The following FTO variants were observed in gnomAD, a reference collection of about 807,000 sequenced individuals.
FTO encodes the protein alpha-ketoglutarate-dependent dioxygenase FTO.
A neutral mutation model predicts 63.9 loss-of-function variants in FTO; 47 were observed. The ratio of observed to expected loss-of-function variants is 0.74; its 90% CI spans 0.58 to 0.94. The LOEUF (loss-of-function observed/expected upper bound fraction) is 0.94, where lower values mean the gene tolerates loss of function less well. Among genes scored for constraint, FTO ranks in the 40% least tolerant of loss-of-function variants. The probability of loss-of-function intolerance (pLI) is 0.00; values close to 1 mark genes in which losing one functional copy is unlikely to be tolerated. For synonymous variants in FTO, 207 were observed against 224.4 expected (o/e 0.92, Z 0.69); for missense variants, 562 against 618.1 (o/e 0.91, Z 0.96).
At chr16:53,789,155 A>T (rs1381101606) in intron 1 of FTO, among the ~76,000 whole-genome samples, 2 of 152,202 alleles carry the variant, frequency 1.3e-5, no homozygotes, top group African/African-American at 2.4e-5. Flanking sequence ...TGAGAGAGAT[A>T]CCCTGGAAAT....
chr16:53,844,244 G>C lies in FTO; in HGVS notation c.841G>C (p.Glu281Gln), dbSNP rs2079555418. ...TGGTTTTAAGATCTCATGGGACATA[G>C]AGACACCTGGTTTGGCGATACCCCT... is the stretch of plus-strand genomic sequence containing the variant. Reference protein sequence around the residue: ...HVGFKISWDIETPGLAIPLHQ... With the variant: ...HVGFKISWDIQTPGLAIPLHQ... The change falls in exon 4 of 9, where the codon GAG becomes CAG. Residue 281 changes from glutamate (E) to glutamine (Q), a missense_variant. Glu to Gln is a conservative substitution (Grantham distance 29). Transcript: ENST00000471389. The C allele has an allele frequency of 2.5e-6, 4 of 1,613,536 alleles. No homozygotes were observed. The highest frequency in any genetic ancestry group is 3.4e-6 in the Non-Finnish European group (4 of 1,179,548).
chr16:54,111,974 G>T lies in FTO; in HGVS notation c.*59G>T. ...AGATCGGCTTTTCTCCTCCAACGTT[G>T]TCATGGGCTTAAGCAAGAGCAGTGG... On this transcript the variant is annotated 3_prime_UTR_variant, in exon 9 of 9. Coordinates refer to ENST00000471389, the MANE Select transcript of FTO (RefSeq NM_001080432.3). The T allele has an allele frequency of 6.3e-7, 1 of 1,597,490 alleles. No individual in the cohort carries two copies. Among genetic ancestry groups the T allele is most frequent in the Non-Finnish European group, 8.6e-7 (1 of 1,166,176 alleles).
intron 8 of FTO, among the ~76,000 whole-genome samples, chr16:53,995,823 A>C (rs2083922470): frequency 6.6e-6 from 1 of 152,294 alleles, no homozygotes; most frequent in South Asian, 2.1e-4. Flanking sequence ...CCAGTCATCG[A>C]ATTCCTGTTC....
Position 54,120,648 on chromosome 16 carries a change from G to A in FTO, c.*8733G>A, listed in dbSNP as rs2086998966. On this transcript the variant is annotated 3_prime_UTR_variant, in exon 9 of 9. Transcript: ENST00000471389. ...TATAGAAACTGGATTTCAAGTTTCT[G>A]ATAAGTATTGAATTTGGGAAGGCTG... 1 of 152,140 alleles carries A rather than the reference G, an allele frequency of 6.6e-6. No individual in the cohort carries two copies. Among genetic ancestry groups the A allele is most frequent in the South Asian group, 2.1e-4 (1 of 4,828 alleles). The allele number at this position is 152,140 out of a possible 1,614,324, so 9.4% of individuals were successfully genotyped here.
At chr16:53,783,416 G>C (rs939537230) in intron 1 of FTO, among the ~76,000 whole-genome samples, 1 of 151,848 alleles carries the variant, frequency 6.6e-6, no homozygotes, top group Non-Finnish European at 1.5e-5. Context: ...GGCCATCCTG[G>C]CTAACACGGT....
At chr16:54,021,564 A>C (rs1376358004) in intron 8 of FTO, among the ~76,000 whole-genome samples, 1 of 152,126 alleles carries the variant, frequency 6.6e-6, no homozygotes, top group African/African-American at 2.4e-5. Context: ...ATCTCGGCTC[A>C]CTGCAACCTC....
intron 8 of FTO, among the ~76,000 whole-genome samples, chr16:53,987,203 GA>G (rs1423756075): frequency 1.3e-5 from 2 of 151,856 alleles, no homozygotes; most frequent in Non-Finnish European, 2.9e-5. Context: ...TCTATTTTTT[GA>G]AAATTAAAAA....
At chr16:53,785,637 C>T (rs375595064) in intron 1 of FTO, among the ~76,000 whole-genome samples, 277 of 152,142 alleles carry the variant, frequency 1.8e-3, no homozygotes, top group Non-Finnish European at 3.3e-3. Context: ...GATAGCTGGG[C>T]GCGGTGGCTC....
intron 8 of FTO, among the ~76,000 whole-genome samples, chr16:54,048,673 G>A (rs1043365346): frequency 3.3e-5 from 5 of 152,128 alleles, no homozygotes; most frequent in East Asian, 3.9e-4. Flanking sequence ...AATTCTGGTC[G>A]GCCTGATAGA....
chr16:53,746,787 A>G (rs558272845), intron 1 of FTO, among the ~76,000 whole-genome samples: 1 of 152,280 alleles, frequency 6.6e-6, no homozygotes, highest in African/African-American at 2.4e-5. Flanking sequence ...TCTAAAGTAG[A>G]AAAAACCTCC....
At chr16:53,765,501 G>C (rs2077178488) in intron 1 of FTO, among the ~76,000 whole-genome samples, 1 of 150,048 alleles carries the variant, frequency 6.7e-6, no homozygotes, top group South Asian at 2.1e-4. Flanking sequence ...GTTGCAGTGA[G>C]CCGAGAGATC....
At chr16:54,001,295 C>T (rs1253355625) in intron 8 of FTO, among the ~76,000 whole-genome samples, 1 of 152,178 alleles carries the variant, frequency 6.6e-6, no homozygotes, top group Non-Finnish European at 1.5e-5. Context: ...CATTCTATTC[C>T]GTGAGCACCT....
chr16:53,745,199 T>C (rs965730575), intron 1 of FTO, among the ~76,000 whole-genome samples: 2 of 152,246 alleles, frequency 1.3e-5, no homozygotes, highest in African/African-American at 2.4e-5. Flanking sequence ...CTGCTGGTGG[T>C]ATCTAGTGTT....
rs554390935 is a variant in FTO, at chr16:53,981,816, C to T, written c.1364+47707C>T. 334 of 152,288 alleles carry T rather than the reference C, an allele frequency of 2.2e-3. 1 individual carries two copies. Among genetic ancestry groups the T allele is most frequent in the Admixed American group, 3.2e-3 (48 of 15,136 alleles). The allele number at this position is 152,288 out of a possible 1,614,324, so 9.4% of individuals were successfully genotyped here. Reference sequence around the variant, plus strand: ...ATCCCAGCTCGTCATGAGGCTGAGGCAGAAGAATCGCTTGAACCTGGGAGG... The same window carrying T: ...ATCCCAGCTCGTCATGAGGCTGAGGTAGAAGAATCGCTTGAACCTGGGAGG... On this transcript the variant is annotated intron_variant, in intron 8 of 8. Transcript: ENST00000471389.
chr16:54,018,217 CA>C (rs1257389150), intron 8 of FTO, among the ~76,000 whole-genome samples: 3 of 152,040 alleles, frequency 2.0e-5, no homozygotes, highest in Non-Finnish European at 4.4e-5. Flanking sequence ...AATACTTGGT[CA>C]AAATTTATAA....
chr16:54,021,301 A>C (rs1226156348), intron 8 of FTO, among the ~76,000 whole-genome samples: 1 of 152,158 alleles, frequency 6.6e-6, no homozygotes, highest in Non-Finnish European at 1.5e-5. Context: ...TTCCCCCTGC[A>C]GTAATCCATG....
intron 6 of FTO, among the ~76,000 whole-genome samples, chr16:53,881,749 A>G (rs761318034): frequency 7.2e-5 from 11 of 152,308 alleles, no homozygotes; most frequent in Non-Finnish European, 2.9e-5. Context: ...GTTACTTAAT[A>G]TTTTACTTTA....
At chr16:53,749,397 G>T (rs2076726274) in intron 1 of FTO, among the ~76,000 whole-genome samples, 1 of 149,724 alleles carries the variant, frequency 6.7e-6, no homozygotes, top group Non-Finnish European at 1.5e-5. Context: ...GGGTATCTTT[G>T]TCTTATTCTG....
At chr16:54,009,181 A>G (rs1262801459) in intron 8 of FTO, among the ~76,000 whole-genome samples, 2 of 152,138 alleles carry the variant, frequency 1.3e-5, no homozygotes, top group African/African-American at 4.8e-5. Flanking sequence ...ATGGAATGCA[A>G]CAGACCCCTT....
Sources: allele counts gnomAD v4.1 joint callset (sites outside exome capture counted in the v4.1 genomes callset), GRCh38; gene constraint gnomAD v4.1.1; transcripts MANE v1.5; gene names NCBI Gene and HGNC (gene_info 2026-07-23, HGNC 2026-07-21).